SAMD3: variants seen among roughly 807,000 people sequenced by gnomAD.
The protein encoded by SAMD3 is sterile alpha motif domain containing 3, also known as sterile alpha motif domain-containing protein 3.
Under a neutral mutation model 58.5 loss-of-function variants are expected in SAMD3, and 63 were observed. That is an observed-to-expected ratio of 1.08 (90% CI 0.88 to 1.33). SAMD3 has a LOEUF of 1.33. Among genes scored for constraint, SAMD3 ranks in the 40% most tolerant of loss-of-function variants. The pLI, the probability that SAMD3 is intolerant of heterozygous loss-of-function variation, is 0.00. For synonymous variants in SAMD3, 220 were observed against 210.3 expected, an observed-to-expected ratio of 1.05 and a Z score of -0.40; for missense variants, 604 against 608.4, an observed-to-expected ratio of 0.99 and a Z score of 0.08.
At chr6:130,274,350 A>G (rs1399980133) in intron 2 of SAMD3, among the ~76,000 whole-genome samples, 1 of 152,168 alleles carries the variant, frequency 6.6e-6, no homozygotes, top group Admixed American at 6.5e-5. Context: ...AAGTATAACT[A>G]TAGAATGTAC....
chr6:130,258,874 G>T (rs544992101), intron 2 of SAMD3, among the ~76,000 whole-genome samples: 1 of 152,246 alleles, frequency 6.6e-6, no homozygotes, highest in Admixed American at 6.5e-5. Context: ...GGCAATTTGG[G>T]AGATTTTAGT....
chr6:130,169,589 C>T (rs1404133810), intron 8 of SAMD3, among the ~76,000 whole-genome samples: 1 of 152,152 alleles, frequency 6.6e-6, no homozygotes, highest in Non-Finnish European at 1.5e-5. Flanking sequence ...CTGCTAACCC[C>T]AATACATTCA....
chr6:130,287,712 G>A (rs4472375), intron 2 of SAMD3, among the ~76,000 whole-genome samples: 20,672 of 152,048 alleles, frequency 0.14, 3,894 homozygotes, highest in African/African-American at 0.43. Context: ...TTGGGAGGCC[G>A]AGGCAGGCAG....
chr6:130,332,663 T>C (rs1776969739), intron 1 of SAMD3, among the ~76,000 whole-genome samples: 1 of 152,212 alleles, frequency 6.6e-6, no homozygotes. Flanking sequence ...AGTGGAGATA[T>C]GCAGCTAAGT....
chr6:130,260,463 G>C (rs998319038), intron 2 of SAMD3, among the ~76,000 whole-genome samples: 6 of 152,208 alleles, frequency 3.9e-5, no homozygotes, highest in Non-Finnish European at 5.9e-5. Context: ...CCCCCATAGA[G>C]TTGTGAGCCC....
intron 1 of SAMD3, among the ~76,000 whole-genome samples, chr6:130,322,703 C>A (rs1014558112): frequency 6.6e-6 from 1 of 152,190 alleles, no homozygotes; most frequent in Non-Finnish European, 1.5e-5. Flanking sequence ...GTTTTATGAG[C>A]AAGGTGGAAA....
chr6:130,211,844 C>T (rs1377851699), intron 4 of SAMD3, among the ~76,000 whole-genome samples: 2 of 150,900 alleles, frequency 1.3e-5, no homozygotes. Context: ...CTTTTGGGTT[C>T]ACACAGGCAA....
intron 2 of SAMD3, among the ~76,000 whole-genome samples, chr6:130,237,474 C>G (rs1240457211): frequency 6.6e-6 from 1 of 152,108 alleles, no homozygotes; most frequent in Non-Finnish European, 1.5e-5. Context: ...TTACCCAGAA[C>G]TGCTGCCCAA....
rs1372634358 is a variant in SAMD3 at position 130,208,451 on chromosome 6, G to A, written c.383+1044C>T. 2.6e-5 allele frequency among the ~76,000 whole-genome samples: 4 copies of A among 152,290 alleles called. No individual in the cohort carries two copies. The East Asian group carries it at 7.7e-4, about 29-fold the overall frequency. On this transcript the variant is annotated intron_variant, in intron 5 of 11. Coordinates refer to ENST00000439090, the MANE Select transcript of SAMD3 (RefSeq NM_001017373.4). ...ACAGCAGGAGGTGAGCAGCGGGTGAGCGAGCAAGGTTTCATCTGTATTTAT... is the reference window on the plus strand; with the variant it reads ...ACAGCAGGAGGTGAGCAGCGGGTGAACGAGCAAGGTTTCATCTGTATTTAT...
chr6:130,182,640 GAGGAAGGAAGGA>G (rs746725885), intron 7 of SAMD3, among the ~76,000 whole-genome samples: 1 of 148,688 alleles, frequency 6.7e-6, no homozygotes, highest in African/African-American at 2.5e-5. Context: ...GGAGGGGAGG[GAGGAAGGAAGGA>G]AGGAAGGAAA....
chr6:130,308,691 G>T (rs1204248353), intron 2 of SAMD3, among the ~76,000 whole-genome samples: 1 of 152,030 alleles, frequency 6.6e-6, no homozygotes, highest in Non-Finnish European at 1.5e-5. Flanking sequence ...GAAATGAATT[G>T]ACCCCAATAT....
intron 8 of SAMD3, among the ~76,000 whole-genome samples, chr6:130,163,351 T>C (rs570961065): frequency 1.1e-4 from 16 of 152,352 alleles, no homozygotes; most frequent in African/African-American, 2.6e-4. Flanking sequence ...TGTTAGATAC[T>C]AGGTGTTTCC....
chr6:130,311,209 A>G (rs1776146816), intron 2 of SAMD3, among the ~76,000 whole-genome samples: 1 of 152,218 alleles, frequency 6.6e-6, no homozygotes, highest in Non-Finnish European at 1.5e-5. Context: ...GTGAATATAG[A>G]TTTTATCCAT....
chr6:130,153,305 T>G (rs1171341390), intron 9 of SAMD3, among the ~76,000 whole-genome samples: 2 of 152,120 alleles, frequency 1.3e-5, no homozygotes, highest in Admixed American at 6.5e-5. Flanking sequence ...AAAGCCACAG[T>G]ATGGTTGCTG....
chr6:130,236,461 G>T (rs1018024011), intron 2 of SAMD3, among the ~76,000 whole-genome samples: 1 of 150,240 alleles, frequency 6.7e-6, no homozygotes, highest in African/African-American at 2.5e-5. Flanking sequence ...TCAGCCCACT[G>T]CAACCCCCGC....
At chr6:130,350,264 A>C (rs1777610480) in intron 1 of SAMD3, among the ~76,000 whole-genome samples, 1 of 152,216 alleles carries the variant, frequency 6.6e-6, no homozygotes, top group South Asian at 2.1e-4. Context: ...TTCAATTAGG[A>C]AAAGAGAAAG....
At chr6:130,225,632 A>G (rs1796364921), upstream of SAMD3, among the ~76,000 whole-genome samples, 1 of 152,226 alleles carries the variant, frequency 6.6e-6, no homozygotes, top group African/African-American at 2.4e-5. Flanking sequence ...TCCAATCTTA[A>G]CTGCTGCCTA....
At chr6:130,148,011 C>G (rs1788791596) in intron 9 of SAMD3, among the ~76,000 whole-genome samples, 1 of 152,178 alleles carries the variant, frequency 6.6e-6, no homozygotes, top group Non-Finnish European at 1.5e-5. Context: ...ATGGAATTCA[C>G]CAGGTTTTTC....
chr6:130,247,043 C>G (rs768642559), intron 2 of SAMD3, among the ~76,000 whole-genome samples: 11 of 152,112 alleles, frequency 7.2e-5, no homozygotes, highest in Non-Finnish European at 1.6e-4. Flanking sequence ...AACCAACTCT[C>G]CTTGGAGAAA....
Sources: gnomAD v4.1 joint callset for allele counts (sites outside exome capture counted in the v4.1 genomes callset) on GRCh38, gnomAD v4.1.1 for gene constraint, MANE v1.5 for transcripts, NCBI Gene and HGNC (gene_info 2026-07-23, HGNC 2026-07-21) for gene names.